IL1RAPL2: variants seen among roughly 807,000 people sequenced by gnomAD.
The protein encoded by IL1RAPL2 is interleukin 1 receptor accessory protein like 2.
Under a neutral mutation model 44.1 loss-of-function variants are expected in IL1RAPL2, and 3 were observed. That is an observed-to-expected ratio of 0.07 (90% CI 0.03 to 0.18). The LOEUF (loss-of-function observed/expected upper bound fraction) is 0.18, where lower values mean the gene tolerates loss of function less well. Ranked by LOEUF, IL1RAPL2 falls within the 10% of genes least tolerant of loss-of-function variation. IL1RAPL2 has a pLI of 1.00. For synonymous variants in IL1RAPL2, 181 were observed against 178.8 expected (o/e 1.01, Z -0.10); for missense variants, 391 against 496.4 (o/e 0.79, Z 2.02).
chrX:105,500,629 G>GA (rs1031163601), intron 6 of IL1RAPL2, among the ~76,000 whole-genome samples: 7 of 110,721 alleles, frequency 6.3e-5, no homozygotes, highest in Admixed American at 9.6e-5. Context: ...ACTATAACCA[G>GA]AAAAAAAATC....
intron 5 of IL1RAPL2, among the ~76,000 whole-genome samples, chrX:105,443,088 C>T (rs1006291180): frequency 1.8e-5 from 2 of 111,473 alleles, no homozygotes; most frequent in African/African-American, 6.5e-5. Context: ...ATCAATTAAT[C>T]AATAAAATAA....
intron 3 of IL1RAPL2, among the ~76,000 whole-genome samples, chrX:105,199,221 C>T (rs782223762): frequency 4.5e-5 from 5 of 110,375 alleles, no homozygotes; most frequent in African/African-American, 1.6e-4. Context: ...AATTTTCTTG[C>T]TCAGATTCTT....
In IL1RAPL2 at chrX:105,063,884, CT is replaced by C. The variant is rs776845197; in HGVS notation, c.83-131588del. 3.6e-5 allele frequency among the ~76,000 whole-genome samples: 4 copies of C among 112,023 alleles called. No individual in the cohort carries two copies. The South Asian group carries it at 1.5e-3, about 42-fold the overall frequency. Reference sequence around the variant, plus strand: ...ACAGATGCCTTGTTTTCTTCCCTTACTTTCTCCCAAACAGAGACTCCTTCTC... The same window carrying C: ...ACAGATGCCTTGTTTTCTTCCCTTACTTCTCCCAAACAGAGACTCCTTCTC... On this transcript the variant is annotated intron_variant, in intron 2 of 10. Coordinates refer to ENST00000372582, the MANE Select transcript of IL1RAPL2 (RefSeq NM_017416.2).
chrX:105,563,091 G>A (rs2036950985), intron 6 of IL1RAPL2, among the ~76,000 whole-genome samples: 2 of 111,645 alleles, frequency 1.8e-5, no homozygotes, highest in Admixed American at 9.5e-5. Context: ...AGTCGTGGGA[G>A]ATCTCTCTGA....
chrX:105,573,037 G>T (rs1433432162), intron 6 of IL1RAPL2, among the ~76,000 whole-genome samples: 1 of 110,540 alleles, frequency 9.0e-6, no homozygotes, highest in Non-Finnish European at 1.9e-5. Context: ...GAGAAACCAT[G>T]GAAGGTTGGT....
At chrX:104,587,195 C>G (rs977204050) in intron 1 of IL1RAPL2, among the ~76,000 whole-genome samples, 1 of 111,778 alleles carries the variant, frequency 8.9e-6, no homozygotes, top group Non-Finnish European at 1.9e-5. Flanking sequence ...ACAATGAAGA[C>G]AGTAATGATA....
intron 5 of IL1RAPL2, among the ~76,000 whole-genome samples, chrX:105,393,799 A>G (rs1169084824): frequency 1.8e-5 from 2 of 111,769 alleles, no homozygotes; most frequent in Non-Finnish European, 3.8e-5. Flanking sequence ...GTGTAAAAAA[A>G]TACATATTAC....
At chrX:105,177,897 G>T (rs886631555) in intron 2 of IL1RAPL2, among the ~76,000 whole-genome samples, 1 of 111,408 alleles carries the variant, frequency 9.0e-6, no homozygotes, top group African/African-American at 3.3e-5. Context: ...GTGATACTTT[G>T]TTATATGCAT....
intron 5 of IL1RAPL2, among the ~76,000 whole-genome samples, chrX:105,432,767 G>T (rs1454544130): frequency 9.0e-6 from 1 of 111,267 alleles, no homozygotes; most frequent in African/African-American, 3.3e-5. Flanking sequence ...ACCAATTTCA[G>T]AGTGCCAGCC....
At chrX:104,572,410 T>C (rs889946128) in intron 1 of IL1RAPL2, among the ~76,000 whole-genome samples, 1 of 112,047 alleles carries the variant, frequency 8.9e-6, no homozygotes, top group Non-Finnish European at 1.9e-5. Context: ...TATCCAGTTA[T>C]AACCTTTGTT....
intron 6 of IL1RAPL2, among the ~76,000 whole-genome samples, chrX:105,550,276 T>G (rs1015539563): frequency 8.9e-6 from 1 of 112,114 alleles, no homozygotes; most frequent in African/African-American, 3.2e-5. Flanking sequence ...TTATGTTCTG[T>G]ATTGTCACCT....
intron 3 of IL1RAPL2, among the ~76,000 whole-genome samples, chrX:105,197,648 C>A (rs1556142477): frequency 9.0e-6 from 1 of 111,466 alleles, no homozygotes; most frequent in African/African-American, 3.3e-5. Context: ...ACTGACATGG[C>A]TATTTTCTCC....
chrX:105,484,304 C>A lies in IL1RAPL2; in HGVS notation c.698-9C>A. On this transcript the variant is annotated splice_polypyrimidine_tract_variant and intron_variant, in intron 5 of 10. Coordinates refer to ENST00000372582, the MANE Select transcript of IL1RAPL2 (RefSeq NM_017416.2). Reference sequence around the variant, plus strand: ...TTTTTCCATTACTTTCTTTCATTTTCTCTTCTAGCTTTACTCACAGACAAG... The same window carrying A: ...TTTTTCCATTACTTTCTTTCATTTTATCTTCTAGCTTTACTCACAGACAAG... 1 of 1,175,858 alleles carries A rather than the reference C, an allele frequency of 8.5e-7. No individual in the cohort carries two copies. The highest frequency in any genetic ancestry group is 1.2e-6 in the Non-Finnish European group (1 of 863,618).
chrX:105,667,966 A>C (rs1463786555), intron 6 of IL1RAPL2, among the ~76,000 whole-genome samples: 4 of 109,780 alleles, frequency 3.6e-5, no homozygotes, highest in Non-Finnish European at 5.7e-5. Flanking sequence ...ATGGTGATTT[A>C]ACACAACTTT....
chrX:104,736,433 A>G (rs1932014001), intron 2 of IL1RAPL2, among the ~76,000 whole-genome samples: 1 of 111,481 alleles, frequency 9.0e-6, no homozygotes, highest in Admixed American at 9.5e-5. Context: ...AACATCACAA[A>G]CTGATCACTT....
At chrX:105,436,169 T>A (rs1329626268) in intron 5 of IL1RAPL2, among the ~76,000 whole-genome samples, 5 of 111,314 alleles carry the variant, frequency 4.5e-5, no homozygotes, top group Admixed American at 9.6e-5. Flanking sequence ...ACTTTATTTT[T>A]TCCACTAAGA....
chrX:105,218,893 C>A, intron 3 of IL1RAPL2: 1 of 1,029,392 alleles, frequency 9.7e-7, no homozygotes, highest in Non-Finnish European at 1.3e-6. Flanking sequence ...CCCGCCACCA[C>A]AAGCCTGCCC....
At chrX:105,045,574 G>T (rs1033116058) in intron 2 of IL1RAPL2, among the ~76,000 whole-genome samples, 3 of 111,194 alleles carry the variant, frequency 2.7e-5, no homozygotes, top group African/African-American at 6.5e-5. Context: ...TAAGTGACAG[G>T]TCTCACTCTG....
intron 6 of IL1RAPL2, among the ~76,000 whole-genome samples, chrX:105,549,454 C>T (rs2036834021): frequency 9.0e-6 from 1 of 111,039 alleles, no homozygotes; most frequent in Non-Finnish European, 1.9e-5. Context: ...CTTGTTGGAC[C>T]GTATATGGAA....
Sources: gnomAD v4.1 joint callset for allele counts (sites outside exome capture counted in the v4.1 genomes callset) on GRCh38, gnomAD v4.1.1 for gene constraint, MANE v1.5 for transcripts, NCBI Gene and HGNC (gene_info 2026-07-23, HGNC 2026-07-21) for gene names.